The following FOCAD variants were observed in gnomAD, a reference collection of about 807,000 sequenced individuals.
FOCAD encodes the protein KIAA1797.
Under a neutral mutation model 225.6 loss-of-function variants are expected in FOCAD, and 198 were observed. The observed-to-expected ratio is 0.88, with a 90% CI of 0.78 to 0.99. The LOEUF (loss-of-function observed/expected upper bound fraction) is 0.99, where lower values mean the gene tolerates loss of function less well. Ranked by LOEUF, FOCAD falls within the 50% of genes least tolerant of loss-of-function variation. FOCAD has a pLI of 0.00. For missense variants in FOCAD, 2,713 were observed against 2,123.6 expected, an observed-to-expected ratio of 1.28 and a Z score of -5.46; for synonymous variants, 897 against 755.0, an observed-to-expected ratio of 1.19 and a Z score of -3.08.
chr9:20,689,897 A>G (rs936158759), intron 1 of FOCAD, among the ~76,000 whole-genome samples: 4 of 152,238 alleles, frequency 2.6e-5, no homozygotes, highest in Admixed American at 2.0e-4. Context: ...ATATGTCTCC[A>G]GTGAATATTT....
chr9:20,760,772 T>G (rs867650479), intron 6 of FOCAD, among the ~76,000 whole-genome samples: 4 of 152,300 alleles, frequency 2.6e-5, no homozygotes, highest in Middle Eastern at 6.8e-3. Flanking sequence ...CATTATTCTC[T>G]GTATTAGTGA....
At position 20,946,636 on chromosome 9, in the gene FOCAD, A is replaced by T. The variant is rs1233246600; in HGVS notation, c.3556-65A>T. 1.9e-6 allele frequency: 3 copies of T among 1,544,340 alleles called. No individual in the cohort carries two copies. The East Asian group carries it at 6.9e-5, about 36-fold the overall frequency. On this transcript the variant is annotated intron_variant, in intron 29 of 43. Coordinates refer to ENST00000338382, the MANE Select transcript of FOCAD (RefSeq NM_001375567.1). The stretch of plus-strand genomic sequence containing the variant: ...GGGGAGTTTGACAGAATATCTTGTC[A>T]ACTAAACCGAGTTCTTTTATTTTTC...
At chr9:20,702,113 T>C (rs1389945153) in intron 1 of FOCAD, among the ~76,000 whole-genome samples, 1 of 152,070 alleles carries the variant, frequency 6.6e-6, no homozygotes, top group Non-Finnish European at 1.5e-5. Context: ...TTATTATTAT[T>C]ATTATTAGCT....
At chr9:20,981,137 C>A (rs1298047020) in intron 37 of FOCAD, among the ~76,000 whole-genome samples, 1 of 152,168 alleles carries the variant, frequency 6.6e-6, no homozygotes, top group East Asian at 1.9e-4. Context: ...ATTCCCGTCA[C>A]TGAAACCTTG....
chr9:20,721,663 C>T (rs1380941058), intron 4 of FOCAD, among the ~76,000 whole-genome samples: 1 of 152,120 alleles, frequency 6.6e-6, no homozygotes, highest in Admixed American at 6.5e-5. Context: ...GATTACACCA[C>T]TGCACTCCAG....
intron 2 of FOCAD, among the ~76,000 whole-genome samples, chr9:20,674,739 C>T (rs1822180402): frequency 6.6e-6 from 1 of 152,180 alleles, no homozygotes. Flanking sequence ...TCTGTATAAT[C>T]AGTGTTTAGC....
intron 15 of FOCAD, among the ~76,000 whole-genome samples, chr9:20,841,126 T>A (rs970637845): frequency 6.6e-6 from 1 of 152,018 alleles, no homozygotes; most frequent in African/African-American, 2.4e-5. Flanking sequence ...TTTGCTATTA[T>A]TTTACTGAGG....
chr9:20,789,616 A>T lies in FOCAD; in HGVS notation c.1455+8A>T. 1 of 1,613,576 alleles carries T rather than the reference A, an allele frequency of 6.2e-7. No individual in the cohort carries two copies. Among genetic ancestry groups the T allele is most frequent in the Non-Finnish European group, 8.5e-7 (1 of 1,179,574 alleles). ...CAAGCAGATTCCTCCCAGGTAAAGC[A>T]AGAGAATAATGGAACAATAATGAGA... On this transcript the variant is annotated splice_region_variant and intron_variant, in intron 11 of 43. Coordinates refer to ENST00000338382, the MANE Select transcript of FOCAD (RefSeq NM_001375567.1).
At chr9:20,731,439 T>G (rs1490695460) in intron 4 of FOCAD, among the ~76,000 whole-genome samples, 2 of 152,060 alleles carry the variant, frequency 1.3e-5, no homozygotes, top group Non-Finnish European at 2.9e-5. Context: ...GCATTCATAT[T>G]ATTTTGTAAA....
At chr9:20,948,552 T>G (rs1362417422) in intron 31 of FOCAD, among the ~76,000 whole-genome samples, 159 bp downstream of exon 31, 1 of 152,228 alleles carries the variant, frequency 6.6e-6, no homozygotes, top group Non-Finnish European at 1.5e-5. Context: ...CCCTTATAAA[T>G]AATGCATTCT....
At chr9:20,917,104 C>G (rs1224414521) in intron 24 of FOCAD, among the ~76,000 whole-genome samples, 167 bp downstream of exon 24, 1 of 151,830 alleles carries the variant, frequency 6.6e-6, no homozygotes, top group Non-Finnish European at 1.5e-5. Flanking sequence ...TAGGTGAATT[C>G]TTACTACATG....
intron 5 of FOCAD, among the ~76,000 whole-genome samples, chr9:20,750,416 T>C (rs1213517741): frequency 6.6e-6 from 1 of 152,236 alleles, no homozygotes; most frequent in Non-Finnish European, 1.5e-5. Context: ...CTAGATATTA[T>C]ATTAAATGCT....
intron 35 of FOCAD, among the ~76,000 whole-genome samples, chr9:20,958,842 A>G (rs1167704798): frequency 6.6e-6 from 1 of 152,112 alleles, no homozygotes; most frequent in Non-Finnish European, 1.5e-5. Context: ...TTGCATTTCT[A>G]TCCATGCTGC....
chr9:20,811,229 T>C (rs1166702765), intron 11 of FOCAD, among the ~76,000 whole-genome samples: 6 of 152,054 alleles, frequency 3.9e-5, no homozygotes, highest in Admixed American at 3.9e-4. Context: ...ATCCCTGTCT[T>C]TGTGGGGCTA....
intron 24 of FOCAD, among the ~76,000 whole-genome samples, chr9:20,918,012 C>T (rs1834014946): frequency 1.3e-5 from 2 of 152,164 alleles, no homozygotes; most frequent in Non-Finnish European, 2.9e-5. Context: ...GTACAGAGAG[C>T]TTAGATGGAG....
chr9:20,676,456 T>C (rs1196995635), intron 2 of FOCAD, among the ~76,000 whole-genome samples: 1 of 152,172 alleles, frequency 6.6e-6, no homozygotes, highest in African/African-American at 2.4e-5. Context: ...GCAGACTTCA[T>C]CATGTTTCTC....
At chr9:20,716,069 T>G (rs1413185546) in intron 2 of FOCAD, 1 of 443,092 alleles carries the variant, frequency 2.3e-6, no homozygotes, top group Admixed American at 2.0e-5. Context: ...CTTGGATACT[T>G]TCAACAATTA....
intron 28 of FOCAD, among the ~76,000 whole-genome samples, chr9:20,936,719 G>A (rs1836010614): frequency 6.6e-6 from 1 of 152,138 alleles, no homozygotes; most frequent in African/African-American, 2.4e-5. Context: ...TCAACATAGT[G>A]TTGGAAGTTC....
chr9:20,789,503 G>A lies in FOCAD; in HGVS notation c.1350G>A (p.Ala450=), dbSNP rs150412472. 5.6e-4 allele frequency: 911 copies of A among 1,613,828 alleles called. 1 individual carries two copies. Among genetic ancestry groups the A allele is most frequent in the Admixed American group, 1.3e-3 (79 of 59,928 alleles). The change falls in exon 11 of 44, where the codon GCG becomes GCA. Residue 450 remains alanine, a synonymous_variant. Transcript: ENST00000338382. Reference sequence around the variant, plus strand: ...TTCCTATTACTGCTGTGATCCCTGCGCCTGCCTTTCTTCTGCTGGCTCACC... The same window carrying A: ...TTCCTATTACTGCTGTGATCCCTGCACCTGCCTTTCTTCTGCTGGCTCACC... ...SLLPITAVIP[A]PAFLLLAHLL...
Sources: allele counts gnomAD v4.1 joint callset (sites outside exome capture counted in the v4.1 genomes callset), GRCh38; gene constraint gnomAD v4.1.1; transcripts MANE v1.5; gene names NCBI Gene and HGNC (gene_info 2026-07-23, HGNC 2026-07-21).